The following ANKRD17 variants were observed in gnomAD, a reference collection of about 807,000 sequenced individuals.
ANKRD17 encodes ankyrin repeat domain-containing protein 17.
In ANKRD17, 19 loss-of-function variants were observed where a neutral mutation model predicts 229.7. The observed-to-expected ratio is 0.08, with a 90% CI of 0.06 to 0.12. The LOEUF is 0.12. ANKRD17 is among the 10% of genes least tolerant of loss of function. The pLI is 1.00. For synonymous variants in ANKRD17, 1,112 were observed against 1,146.1 expected, an observed-to-expected ratio of 0.97 and a Z score of 0.60; for missense variants, 2,176 against 3,176.8, an observed-to-expected ratio of 0.68 and a Z score of 7.57.
Position 73,081,277 on chromosome 4 carries a change from T to C in ANKRD17, c.7160-2387A>G, listed in dbSNP as rs928348131. Among the ~76,000 whole-genome samples the C allele has an allele frequency of 1.2e-4, 19 of 152,172 alleles. 1 individual carries two copies. The highest frequency in any genetic ancestry group is 1.1e-3 in the Admixed American group (17 of 15,278). Reference sequence around the variant, plus strand: ...GATGTGCATATACAAGGTAAGATTATGAAGAAGTTTAGGTGTAAAGAGAGC... The same window carrying C: ...GATGTGCATATACAAGGTAAGATTACGAAGAAGTTTAGGTGTAAAGAGAGC... On this transcript the variant is annotated intron_variant, in intron 30 of 33. Coordinates refer to ENST00000358602, the MANE Select transcript of ANKRD17 (RefSeq NM_032217.5).
At chr4:73,235,782 A>T (rs1743446233) in intron 1 of ANKRD17, among the ~76,000 whole-genome samples, 1 of 152,146 alleles carries the variant, frequency 6.6e-6, no homozygotes, top group Non-Finnish European at 1.5e-5. Flanking sequence ...TCTCTTTACT[A>T]GTTTTCTTCT....
chr4:73,077,745 G>GA (rs141699723), intron 31 of ANKRD17, among the ~76,000 whole-genome samples: 17,212 of 151,628 alleles, frequency 0.11, 2,571 homozygotes, highest in African/African-American at 0.33. Flanking sequence ...TAAAACAAAA[G>GA]AAAAAAACCT....
At chr4:73,180,853 C>A (rs1171627312) in intron 1 of ANKRD17, among the ~76,000 whole-genome samples, 3 of 152,136 alleles carry the variant, frequency 2.0e-5, no homozygotes, top group South Asian at 2.1e-4. Flanking sequence ...TAACTTTAGA[C>A]CCCCAATTCT....
intron 1 of ANKRD17, among the ~76,000 whole-genome samples, chr4:73,243,385 AG>A (rs1218773583): frequency 2.6e-5 from 4 of 152,238 alleles, no homozygotes; most frequent in Non-Finnish European, 5.9e-5. Context: ...GAAAATAGCC[AG>A]GGTTAAGGCG....
At chr4:73,230,261 T>C (rs1174244281) in intron 1 of ANKRD17, among the ~76,000 whole-genome samples, 1 of 152,122 alleles carries the variant, frequency 6.6e-6, no homozygotes, top group African/African-American at 2.4e-5. Context: ...CAGTAGTATA[T>C]TCTAAATATA....
intron 1 of ANKRD17, among the ~76,000 whole-genome samples, chr4:73,196,462 C>A (rs1049010518): frequency 5.9e-5 from 9 of 152,136 alleles, no homozygotes; most frequent in African/African-American, 2.2e-4. Context: ...TCGTGTACCA[C>A]AAATTCTGAT....
At chr4:73,247,953 T>G (rs1429341794) in intron 1 of ANKRD17, among the ~76,000 whole-genome samples, 1 of 152,040 alleles carries the variant, frequency 6.6e-6, no homozygotes, top group Non-Finnish European at 1.5e-5. Context: ...TCAAGTTTTC[T>G]GCAAATATGT....
Position 73,250,855 on chromosome 4 carries a change from G to C in ANKRD17, c.393+7421C>G, listed in dbSNP as rs61606744. Among the ~76,000 whole-genome samples, 431 of 151,972 alleles carry C rather than the reference G, an allele frequency of 2.8e-3. 1 individual carries two copies. The highest frequency in any genetic ancestry group is 9.9e-3 in the African/African-American group (412 of 41,434). ...CCAAGTAGCTGGGACTTACTGGCGGGAGCCACTACGCCCGACTAATTTTTC... is the reference window on the plus strand; with the variant it reads ...CCAAGTAGCTGGGACTTACTGGCGGCAGCCACTACGCCCGACTAATTTTTC... On this transcript the variant is annotated intron_variant, in intron 1 of 33. Coordinates refer to ENST00000358602, the MANE Select transcript of ANKRD17 (RefSeq NM_032217.5).
At chr4:73,120,627 T>C (rs1402179375) in intron 20 of ANKRD17, among the ~76,000 whole-genome samples, 1 of 151,948 alleles carries the variant, frequency 6.6e-6, no homozygotes, top group Non-Finnish European at 1.5e-5. Context: ...AAATGTTCCA[T>C]TCCCTTCCTT....
In ANKRD17 at chr4:73,135,809, C is replaced by A. The variant is rs1259513860; in HGVS notation, c.3086-544G>T. Among the ~76,000 whole-genome samples the A allele has an allele frequency of 5.3e-5, 8 of 151,994 alleles. No homozygotes were observed. In the East Asian group the frequency reaches 1.5e-3, roughly 29 times the overall value. On this transcript the variant is annotated intron_variant, in intron 15 of 33. Coordinates refer to ENST00000358602, the MANE Select transcript of ANKRD17 (RefSeq NM_032217.5). ...ATATAGTAATATTCTGCATTGTAGC[C>A]CTCTGGAATGACAGGATATTCAAAT...
intron 1 of ANKRD17, among the ~76,000 whole-genome samples, chr4:73,238,880 A>G (rs571949105): frequency 6.6e-6 from 1 of 152,254 alleles, no homozygotes; most frequent in African/African-American, 2.4e-5. Context: ...GTGACCTTGA[A>G]CAAGTTACTT....
intron 16 of ANKRD17, among the ~76,000 whole-genome samples, chr4:73,134,588 C>G (rs993531063): frequency 4.6e-5 from 7 of 152,178 alleles, no homozygotes; most frequent in African/African-American, 1.2e-4. Flanking sequence ...GTCCTCCCCC[C>G]ACTCCATGTT....
intron 1 of ANKRD17, among the ~76,000 whole-genome samples, chr4:73,254,782 AG>A (rs1745318726): frequency 6.6e-6 from 1 of 151,846 alleles, no homozygotes; most frequent in South Asian, 2.1e-4. Context: ...AAAAAAAAAA[AG>A]AAAGAAAAAA....
chr4:73,184,522 T>A (rs1736015562), intron 1 of ANKRD17, among the ~76,000 whole-genome samples: 1 of 108,794 alleles, frequency 9.2e-6, no homozygotes, highest in South Asian at 2.9e-4. Context: ...GAGCTAGACT[T>A]CCTCTCAAAA....
intron 1 of ANKRD17, among the ~76,000 whole-genome samples, chr4:73,221,769 C>A (rs1272772294): frequency 6.6e-6 from 1 of 152,112 alleles, no homozygotes; most frequent in South Asian, 2.1e-4. Flanking sequence ...TTAGACCTAA[C>A]AGCTTTTAGG....
chr4:73,106,606 C>A (rs1046439031), intron 24 of ANKRD17, among the ~76,000 whole-genome samples: 4 of 152,192 alleles, frequency 2.6e-5, no homozygotes, highest in African/African-American at 9.6e-5. Flanking sequence ...GCGGGCTGGG[C>A]ACGGTGGCTC....
intron 6 of ANKRD17, among the ~76,000 whole-genome samples, chr4:73,152,071 T>G (rs1348294208): frequency 6.6e-6 from 1 of 152,038 alleles, no homozygotes; most frequent in Non-Finnish European, 1.5e-5. Context: ...GTACACACAT[T>G]AATGCAGTTT....
intron 29 of ANKRD17, among the ~76,000 whole-genome samples, chr4:73,087,909 TAAGAC>T (rs1244922942): frequency 2.1e-5 from 3 of 142,020 alleles, no homozygotes; most frequent in African/African-American, 5.3e-5. Flanking sequence ...GAGAGACAGG[TAAGAC>T]AAGACAAGAG....
intron 30 of ANKRD17, among the ~76,000 whole-genome samples, chr4:73,081,400 C>T (rs570042708): frequency 2.0e-5 from 3 of 152,168 alleles, no homozygotes; most frequent in East Asian, 1.9e-4. Flanking sequence ...AAGTCCTGGA[C>T]GGTTTGGAAA....
Sources: gnomAD v4.1 joint callset for allele counts (sites outside exome capture counted in the v4.1 genomes callset) on GRCh38, gnomAD v4.1.1 for gene constraint, MANE v1.5 for transcripts, NCBI Gene and HGNC (gene_info 2026-07-23, HGNC 2026-07-21) for gene names.